The following HMCN1 variants were observed in gnomAD, a reference collection of about 807,000 sequenced individuals.
HMCN1 encodes hemicentin-1.
Under a neutral mutation model 625.9 loss-of-function variants are expected in HMCN1, and 321 were observed. The observed-to-expected ratio is 0.51, with a 90% CI of 0.47 to 0.56. HMCN1 has a LOEUF of 0.56. HMCN1 is among the 20% of genes least tolerant of loss of function. The pLI, the probability that HMCN1 is intolerant of heterozygous loss-of-function variation, is 0.00. For synonymous variants in HMCN1, 2,425 were observed against 2,417.6 expected (o/e 1.00, Z -0.09); for missense variants, 6,588 against 6,887.3 (o/e 0.96, Z 1.54).
intron 4 of HMCN1, among the ~76,000 whole-genome samples, chr1:185,906,369 C>A (rs1014522339): frequency 6.6e-6 from 1 of 151,780 alleles, no homozygotes; most frequent in Non-Finnish European, 1.5e-5. Context: ...ACATGGTAAT[C>A]CCTTTGTGAA....
intron 1 of HMCN1, among the ~76,000 whole-genome samples, chr1:185,792,948 T>G (rs2102204416): frequency 6.6e-6 from 1 of 152,340 alleles, no homozygotes; most frequent in Non-Finnish European, 1.5e-5. Flanking sequence ...ATAGCAATGC[T>G]TTCAGTCTCT....
intron 4 of HMCN1, among the ~76,000 whole-genome samples, chr1:185,866,260 T>C (rs1373288467): frequency 6.6e-6 from 1 of 151,904 alleles, no homozygotes; most frequent in Non-Finnish European, 1.5e-5. Flanking sequence ...TGATGAGGTT[T>C]GGTTTCTAAG....
At position 185,909,201 on chromosome 1, in the gene HMCN1, G is replaced by A. The variant is rs1413543421; in HGVS notation, c.622-136G>A. The A allele has an allele frequency of 1.3e-5, 9 of 681,154 alleles. No individual in the cohort carries two copies. In the South Asian group the frequency reaches 1.5e-4, roughly 12 times the overall value. The allele number at this position is 681,154 out of a possible 1,614,324, so 42.2% of individuals were successfully genotyped here. A position where few individuals can be genotyped will look rare whatever the true frequency, so the allele number is the denominator to read the frequency against. On this transcript the variant is annotated intron_variant, in intron 4 of 106. Coordinates refer to ENST00000271588, the MANE Select transcript of HMCN1 (RefSeq NM_031935.3). Reference sequence around the variant, plus strand: ...AGAATTAGAAAGAGTCCTATCTTCAGTAATGACCGAAATAAATTTCACACC... The same window carrying A: ...AGAATTAGAAAGAGTCCTATCTTCAATAATGACCGAAATAAATTTCACACC...
intron 86 of HMCN1, among the ~76,000 whole-genome samples, chr1:186,134,962 C>A (rs1649504007): frequency 6.6e-6 from 1 of 152,166 alleles, no homozygotes; most frequent in African/African-American, 2.4e-5. Context: ...TCAGGGTGAA[C>A]CTTCCTTTCT....
chr1:186,081,197 C>G lies in HMCN1; in HGVS notation c.8600-10C>G, dbSNP rs756409713. ...CCCATTTTTCTCCCTTTGTTGCAAT[C>G]CTTTGTTAGTGCCGCCAATTATCAA... On this transcript the variant is annotated splice_polypyrimidine_tract_variant and intron_variant, in intron 55 of 106. Transcript: ENST00000271588. 6.2e-7 allele frequency: 1 copy of G among 1,611,128 alleles called. No individual in the cohort carries two copies. Among genetic ancestry groups the G allele is most frequent in the Admixed American group, 1.7e-5 (1 of 59,988 alleles).
At chr1:185,795,302 T>C (rs1052893851) in intron 1 of HMCN1, among the ~76,000 whole-genome samples, 9 of 152,240 alleles carry the variant, frequency 5.9e-5, no homozygotes, top group African/African-American at 2.2e-4. Context: ...CCAAGAAATG[T>C]ACATTTTTAT....
At chr1:186,110,586 C>T (rs567984829) in intron 71 of HMCN1, among the ~76,000 whole-genome samples, 1 of 152,008 alleles carries the variant, frequency 6.6e-6, no homozygotes, top group African/African-American at 2.4e-5. Context: ...GGAAGTTAAT[C>T]GAAGAAGAGG....
At chr1:185,982,493 T>C in intron 18 of HMCN1, 104 bp downstream of exon 18, 1 of 1,107,486 alleles carries the variant, frequency 9.0e-7, no homozygotes, top group Non-Finnish European at 1.3e-6. Context: ...TAGGCTGGAG[T>C]GCAGTGGTGG....
chr1:186,101,138 T>G (rs1660365315), intron 68 of HMCN1, among the ~76,000 whole-genome samples: 2 of 152,010 alleles, frequency 1.3e-5, no homozygotes, highest in South Asian at 4.1e-4. Context: ...AATCAGTAAT[T>G]TTGGGTAGGC....
intron 4 of HMCN1, among the ~76,000 whole-genome samples, chr1:185,907,141 G>C (rs1159381367): frequency 6.6e-6 from 1 of 151,642 alleles, no homozygotes; most frequent in Admixed American, 6.6e-5. Context: ...CTTCAAGCAT[G>C]ATAGATCATT....
At chr1:186,088,577 GT>G in intron 62 of HMCN1, 28 bp from the exon 63 acceptor site, 3 of 1,605,860 alleles carry the variant, frequency 1.9e-6, no homozygotes, top group Non-Finnish European at 2.6e-6. Flanking sequence ...GTTTTTTTAT[GT>G]TTTATTGTGC....
chr1:186,125,891 T>TAA (rs58905983), intron 82 of HMCN1, 97 bp downstream of exon 82: 98 of 790,490 alleles, frequency 1.2e-4, no homozygotes, highest in Admixed American at 3.3e-4. Flanking sequence ...CTTTAATAAT[T>TAA]AAAAAAAATA....
chr1:186,139,423 T>G (rs1649813578), intron 89 of HMCN1, among the ~76,000 whole-genome samples: 1 of 152,204 alleles, frequency 6.6e-6, no homozygotes. Context: ...CAGGAAATAC[T>G]TGATTGAGCA....
intron 93 of HMCN1, among the ~76,000 whole-genome samples, chr1:186,146,218 G>A (rs1199333263): frequency 6.6e-6 from 1 of 152,134 alleles, no homozygotes. Flanking sequence ...AGGTAAGGTG[G>A]GGCAGTGGCT....
At chr1:186,145,374 T>C (rs767907250) in intron 91 of HMCN1, 29 bp from the exon 92 acceptor site, 1 of 1,526,572 alleles carries the variant, frequency 6.6e-7, no homozygotes, top group Admixed American at 2.2e-5. Context: ...AGGGGCTCTG[T>C]TTTCATCTCA....
chr1:186,144,811 T>A, intron 91 of HMCN1, 108 bp downstream of exon 91: 1 of 1,310,728 alleles, frequency 7.6e-7, no homozygotes, highest in Admixed American at 1.9e-5. Flanking sequence ...AACCTTTGGT[T>A]TAGGATGTCA....
intron 6 of HMCN1, among the ~76,000 whole-genome samples, chr1:185,915,182 G>C (rs1326458436): frequency 6.6e-6 from 1 of 151,920 alleles, no homozygotes; most frequent in Admixed American, 6.6e-5. Flanking sequence ...CTCTGATGCA[G>C]GTAAAGCATG....
chr1:186,015,351 C>G lies in HMCN1; in HGVS notation c.4823C>G (p.Ala1608Gly), dbSNP rs1260545220. Residue 1608 changes from alanine to glycine, a missense_variant, in exon 31 of 107, where the codon GCA becomes GGA. By Grantham distance (60) the Ala-to-Gly change is moderately conservative. Coordinates refer to ENST00000271588, the MANE Select transcript of HMCN1 (RefSeq NM_031935.3). Reference protein sequence around the residue: ...DKGQYLHIPRAQVSDSATYTC... With the variant: ...DKGQYLHIPRGQVSDSATYTC... The stretch of plus-strand genomic sequence containing the variant: ...GGACAATATCTTCATATTCCTCGAG[C>G]ACAGGTCTCTGATTCAGCAACATAT... 1 of 1,613,680 alleles carries G rather than the reference C, an allele frequency of 6.2e-7. No individual in the cohort carries two copies. Among genetic ancestry groups the G allele is most frequent in the South Asian group, 1.1e-5 (1 of 91,078 alleles).
intron 4 of HMCN1, among the ~76,000 whole-genome samples, chr1:185,903,666 A>C (rs1002829434): frequency 1.2e-4 from 18 of 151,706 alleles, no homozygotes; most frequent in African/African-American, 4.1e-4. Context: ...CAAAAGTCTC[A>C]AGTGGTGATA....
Sources: gnomAD v4.1 joint callset for allele counts (sites outside exome capture counted in the v4.1 genomes callset) on GRCh38, gnomAD v4.1.1 for gene constraint, MANE v1.5 for transcripts, NCBI Gene and HGNC (gene_info 2026-07-23, HGNC 2026-07-21) for gene names.